Variants in NEGR1 observed in about 807,000 individuals in gnomAD.
The protein encoded by NEGR1 is IgLON family member 4.
NEGR1 carries 10 observed loss-of-function variants against 40.9 expected under a neutral mutation model. The ratio of observed to expected loss-of-function variants is 0.24; its 90% CI spans 0.15 to 0.42. The LOEUF (loss-of-function observed/expected upper bound fraction) is 0.42. Among genes scored for constraint, NEGR1 ranks in the 10% least tolerant of loss-of-function variants. NEGR1 has a pLI of 1.00. For synonymous variants in NEGR1, 185 were observed against 166.8 expected (o/e 1.11, Z -0.84); for missense variants, 352 against 438.9 (o/e 0.80, Z 1.77).
chr1:71,907,490 C>T (rs1283591282), intron 2 of NEGR1, among the ~76,000 whole-genome samples: 1 of 152,078 alleles, frequency 6.6e-6, no homozygotes, highest in East Asian at 1.9e-4. Context: ...ATGGCTATTA[C>T]TAAAAAGTGA....
chr1:72,261,531 G>C (rs546640632), intron 1 of NEGR1, among the ~76,000 whole-genome samples: 1 of 152,070 alleles, frequency 6.6e-6, no homozygotes, highest in South Asian at 2.1e-4. Context: ...ATACTGAAAG[G>C]CCTTGTAATT....
rs1646220813 is a variant in NEGR1 at position 71,397,645 on chromosome 1, G to T, written c.*9801C>A. The T allele has an allele frequency of 6.6e-6, 1 of 152,084 alleles. No individual in the cohort carries two copies. The highest frequency in any genetic ancestry group is 2.4e-5 in the African/African-American group (1 of 41,404). The allele number at this position is 152,084 out of a possible 1,614,324, so 9.4% of individuals were successfully genotyped here. A position where few individuals can be genotyped will look rare whatever the true frequency, so the allele number is the denominator to read the frequency against. ...CCTGGCTGGCATTCAGTTTTAAAAGGGAAACAGTATAAAAGTTTGAAAAAT... is the reference window on the plus strand; with the variant it reads ...CCTGGCTGGCATTCAGTTTTAAAAGTGAAACAGTATAAAAGTTTGAAAAAT... On this transcript the variant is annotated 3_prime_UTR_variant, in exon 7 of 7. Coordinates refer to ENST00000357731, the MANE Select transcript of NEGR1 (RefSeq NM_173808.3).
chr1:71,947,892 T>G (rs148003950), intron 1 of NEGR1, among the ~76,000 whole-genome samples: 2 of 152,298 alleles, frequency 1.3e-5, no homozygotes, highest in Non-Finnish European at 2.9e-5. Flanking sequence ...GATGCTGTAT[T>G]TGGTATATTT....
intron 1 of NEGR1, among the ~76,000 whole-genome samples, chr1:72,257,600 TCCAACATGA>T (rs1655317540): frequency 6.6e-6 from 1 of 152,156 alleles, no homozygotes; most frequent in African/African-American, 2.4e-5. Context: ...AGTAATTTTC[TCCAACATGA>T]ATAAAGTGAA....
chr1:71,734,045 T>C (rs1654969762), intron 3 of NEGR1, among the ~76,000 whole-genome samples: 3 of 152,228 alleles, frequency 2.0e-5, no homozygotes, highest in Admixed American at 2.0e-4. Flanking sequence ...CAAATTATTG[T>C]GAGCAATTTA....
At chr1:71,759,317 A>C (rs1308110270) in intron 3 of NEGR1, among the ~76,000 whole-genome samples, 1 of 18,638 alleles carries the variant, frequency 5.4e-5, no homozygotes, top group Non-Finnish European at 9.6e-5. Context: ...TTTTTTTTTG[A>C]GACATAGTCT....
chr1:72,191,386 A>G (rs1454836606), intron 1 of NEGR1, among the ~76,000 whole-genome samples: 1 of 151,768 alleles, frequency 6.6e-6, no homozygotes, highest in Non-Finnish European at 1.5e-5. Flanking sequence ...CTGATAGTTT[A>G]TGCTGAGATC....
intron 6 of NEGR1, among the ~76,000 whole-genome samples, chr1:71,515,694 A>T (rs1418245595): frequency 7.5e-6 from 1 of 134,030 alleles, no homozygotes; most frequent in Non-Finnish European, 1.6e-5. Context: ...AGCTAACATC[A>T]TAATGACAGG....
In NEGR1 at chr1:71,407,382, C is replaced by G; in HGVS notation, c.*64G>C. The G allele has an allele frequency of 6.6e-7, 1 of 1,526,386 alleles. No individual in the cohort carries two copies. 94.6% of individuals were successfully genotyped at this position (1,526,386 alleles called of 1,614,324 possible). The stretch of plus-strand genomic sequence containing the variant: ...CCACGCTGCTTTTAACAAACTGTAC[C>G]AGATTGGATCCAGCCATCAGCACTT... On this transcript the variant is annotated 3_prime_UTR_variant, in exon 7 of 7. Transcript: ENST00000357731.
chr1:71,504,108 A>T (rs1231790523), intron 6 of NEGR1, among the ~76,000 whole-genome samples: 6 of 151,144 alleles, frequency 4.0e-5, no homozygotes, highest in African/African-American at 7.3e-5. Context: ...AATTAGATAA[A>T]AAAATAAAAT....
chr1:72,167,695 C>T (rs1386463292), intron 1 of NEGR1, among the ~76,000 whole-genome samples: 1 of 151,892 alleles, frequency 6.6e-6, no homozygotes, highest in Non-Finnish European at 1.5e-5. Context: ...ACTGTCTTTT[C>T]TTTTTTCCCT....
chr1:72,215,712 G>C (rs1426950800), intron 1 of NEGR1, among the ~76,000 whole-genome samples: 1 of 151,986 alleles, frequency 6.6e-6, no homozygotes, highest in Non-Finnish European at 1.5e-5. Context: ...GGAAATAACA[G>C]ATGTTGGTGA....
At chr1:71,537,389 G>C (rs1207601754) in intron 6 of NEGR1, among the ~76,000 whole-genome samples, 1 of 151,610 alleles carries the variant, frequency 6.6e-6, no homozygotes, top group Non-Finnish European at 1.5e-5. Flanking sequence ...TCCTATGCAA[G>C]GGATCATATA....
At chr1:72,124,586 T>A (rs1457684116) in intron 1 of NEGR1, among the ~76,000 whole-genome samples, 1 of 152,084 alleles carries the variant, frequency 6.6e-6, no homozygotes, top group East Asian at 1.9e-4. Flanking sequence ...TGGGATTATT[T>A]GAACTAAAAT....
chr1:71,985,017 C>A (rs1646382954), intron 1 of NEGR1, among the ~76,000 whole-genome samples: 1 of 151,996 alleles, frequency 6.6e-6, no homozygotes, highest in Non-Finnish European at 1.5e-5. Flanking sequence ...GAACTTGAGG[C>A]AAAAAGAAGT....
chr1:72,264,063 C>T (rs935355182), intron 1 of NEGR1, among the ~76,000 whole-genome samples: 4 of 150,762 alleles, frequency 2.7e-5, no homozygotes, highest in Admixed American at 2.0e-4. Flanking sequence ...AATATGGAGG[C>T]TAAAATAAAA....
intron 6 of NEGR1, among the ~76,000 whole-genome samples, chr1:71,584,161 T>C (rs563632562): frequency 2.4e-4 from 37 of 152,294 alleles, no homozygotes; most frequent in Middle Eastern, 3.4e-3. Flanking sequence ...GAAATCCCAA[T>C]TGAATTACAT....
At chr1:72,245,744 T>C (rs1654881714) in intron 1 of NEGR1, among the ~76,000 whole-genome samples, 1 of 152,158 alleles carries the variant, frequency 6.6e-6, no homozygotes, top group Non-Finnish European at 1.5e-5. Context: ...TAAACAGTAA[T>C]GAAATATAAT....
chr1:71,430,480 T>C (rs910898688), intron 6 of NEGR1, among the ~76,000 whole-genome samples: 2 of 152,074 alleles, frequency 1.3e-5, no homozygotes, highest in Non-Finnish European at 1.5e-5. Context: ...GGTATTGAAT[T>C]AGTTAAAGCA....
Sources: allele counts gnomAD v4.1 joint callset (sites outside exome capture counted in the v4.1 genomes callset), GRCh38; gene constraint gnomAD v4.1.1; transcripts MANE v1.5; gene names NCBI Gene and HGNC (gene_info 2026-07-23, HGNC 2026-07-21).